Variants in TMEM135 observed in about 807,000 individuals in gnomAD.
The protein encoded by TMEM135 is transmembrane protein 135, also known as peroxisomal membrane protein 52.
A neutral mutation model predicts 60.3 loss-of-function variants in TMEM135; 30 were observed. The ratio of observed to expected loss-of-function variants is 0.50; its 90% CI spans 0.37 to 0.68. The LOEUF (loss-of-function observed/expected upper bound fraction) is 0.68. TMEM135 is among the 30% of genes least tolerant of loss of function. The pLI is 0.00. For missense variants in TMEM135, 468 were observed against 548.8 expected (o/e 0.85, Z 1.47); for synonymous variants, 190 against 186.7 (o/e 1.02, Z -0.14).
intron 4 of TMEM135, among the ~76,000 whole-genome samples, chr11:87,122,779 A>G (rs1051127540): frequency 6.6e-6 from 1 of 152,080 alleles, no homozygotes; most frequent in Non-Finnish European, 1.5e-5. Flanking sequence ...TAGTTTTTAA[A>G]TCTATCCGGC....
intron 4 of TMEM135, among the ~76,000 whole-genome samples, chr11:87,118,691 C>G (rs117783007): frequency 0.021 from 3,186 of 152,268 alleles, 37 homozygotes; most frequent in South Asian, 0.033. Flanking sequence ...ATCCGCCCAT[C>G]GTGACCTCCC....
chr11:87,038,225 T>C (rs1295369865), intron 1 of TMEM135, 39 bp downstream of exon 1: 10 of 1,598,836 alleles, frequency 6.3e-6, no homozygotes, highest in African/African-American at 1.4e-5. Context: ...GAGTTTAGTC[T>C]GGAAGATGGG....
intron 5 of TMEM135, among the ~76,000 whole-genome samples, chr11:87,185,599 G>A (rs1352675649): frequency 1.3e-5 from 2 of 152,022 alleles, no homozygotes; most frequent in Admixed American, 6.6e-5. Flanking sequence ...TTGTTTGTAT[G>A]TCTTGTTAGC....
intron 4 of TMEM135, among the ~76,000 whole-genome samples, chr11:87,114,050 A>G (rs966703349): frequency 1.3e-5 from 2 of 152,088 alleles, no homozygotes; most frequent in Non-Finnish European, 2.9e-5. Flanking sequence ...CTAGAATTCT[A>G]TGTCCAACCA....
chr11:87,053,569 C>G (rs911659222), intron 1 of TMEM135, among the ~76,000 whole-genome samples: 3 of 150,506 alleles, frequency 2.0e-5, no homozygotes, highest in Non-Finnish European at 3.0e-5. Context: ...TGAAGAAAGT[C>G]TTTTTAAAAT....
chr11:87,272,874 T>C lies in TMEM135; in HGVS notation c.510-22908T>C, dbSNP rs928806751. Among the ~76,000 whole-genome samples the C allele has an allele frequency of 2.0e-5, 3 of 152,328 alleles. No individual in the cohort carries two copies. The East Asian group carries it at 5.8e-4, about 29-fold the overall frequency. On this transcript the variant is annotated intron_variant, in intron 6 of 14. Transcript: ENST00000305494. ...ATTTTTACAGTATGTTATTTTGGTATGTAGAGCTCTCGGAAAGTTCTTTTT... is the reference window on the plus strand; with the variant it reads ...ATTTTTACAGTATGTTATTTTGGTACGTAGAGCTCTCGGAAAGTTCTTTTT...
chr11:87,232,420 A>G (rs1940908920), intron 5 of TMEM135, among the ~76,000 whole-genome samples: 1 of 152,144 alleles, frequency 6.6e-6, no homozygotes, highest in Non-Finnish European at 1.5e-5. Context: ...GTAAACCCAC[A>G]GATCCAAGTA....
chr11:87,216,687 T>A (rs1940509787), intron 5 of TMEM135, among the ~76,000 whole-genome samples: 1 of 152,118 alleles, frequency 6.6e-6, no homozygotes, highest in South Asian at 2.1e-4. Flanking sequence ...GTTGGCTGAG[T>A]TTTGGATATG....
At chr11:87,104,135 A>T (rs1857534381) in intron 4 of TMEM135, among the ~76,000 whole-genome samples, 1 of 152,142 alleles carries the variant, frequency 6.6e-6, no homozygotes, top group African/African-American at 2.4e-5. Context: ...GCCCAGTTTC[A>T]TTCTTTTGCA....
chr11:87,312,159 T>C (rs1181533980), intron 10 of TMEM135, among the ~76,000 whole-genome samples: 1 of 151,400 alleles, frequency 6.6e-6, no homozygotes, highest in East Asian at 1.9e-4. Flanking sequence ...ATTTGTTCCT[T>C]TTTTTCTTCC....
intron 5 of TMEM135, among the ~76,000 whole-genome samples, chr11:87,165,788 A>C (rs1336270592): frequency 2.0e-5 from 3 of 150,650 alleles, no homozygotes; most frequent in East Asian, 1.9e-4. Context: ...TTCAAAAAGT[A>C]AATGAATCCA....
chr11:87,215,730 A>G (rs1272714780), intron 5 of TMEM135, among the ~76,000 whole-genome samples: 5 of 152,144 alleles, frequency 3.3e-5, no homozygotes, highest in South Asian at 2.1e-4. Context: ...TGGCAAGGGA[A>G]GTATGCATAC....
chr11:87,151,701 C>CT (rs142871461), intron 4 of TMEM135, among the ~76,000 whole-genome samples: 12,820 of 148,338 alleles, frequency 0.086, 599 homozygotes, highest in Middle Eastern at 0.1. Flanking sequence ...TCTTGGGCTG[C>CT]TTTTTTTTTT....
intron 5 of TMEM135, among the ~76,000 whole-genome samples, chr11:87,189,253 C>T (rs541814243): frequency 2.0e-5 from 3 of 150,372 alleles, no homozygotes; most frequent in African/African-American, 4.9e-5. Flanking sequence ...CTCTGCTTCC[C>T]GGGTTCAAGC....
chr11:87,236,895 AC>A lies in TMEM135; in HGVS notation c.509+217del, dbSNP rs561966066. Among the ~76,000 whole-genome samples the A allele has an allele frequency of 2.6e-3, 389 of 151,102 alleles. 2 individuals are homozygous for A. Among genetic ancestry groups the A allele is most frequent in the African/African-American group, 7.8e-3 (322 of 41,194 alleles). On this transcript the variant is annotated intron_variant, in intron 6 of 14. Coordinates refer to ENST00000305494, the MANE Select transcript of TMEM135 (RefSeq NM_022918.4). The stretch of plus-strand genomic sequence containing the variant: ...GAGGGAAGGAAGACTTATTCTCCCC[AC>A]CCCCCATTCTATTTATAAGTTCATC...
intron 4 of TMEM135, among the ~76,000 whole-genome samples, chr11:87,109,694 A>G (rs1006920976): frequency 2.0e-5 from 3 of 152,304 alleles, no homozygotes; most frequent in Middle Eastern, 3.4e-3. Flanking sequence ...TGTCAGTTTT[A>G]TCTTAATAAA....
chr11:87,120,044 T>TG (rs1219898173), intron 4 of TMEM135, among the ~76,000 whole-genome samples: 1 of 151,820 alleles, frequency 6.6e-6, no homozygotes, highest in African/African-American at 2.4e-5. Context: ...ATATTTGAAA[T>TG]GGGGAACATT....
chr11:87,258,820 G>C (rs636320), intron 6 of TMEM135: 148,116 of 644,066 alleles, frequency 0.23, 18,462 homozygotes, highest in East Asian at 0.33. Flanking sequence ...CTTCTCCCAC[G>C]GAGACAGCTC....
intron 6 of TMEM135, among the ~76,000 whole-genome samples, chr11:87,261,218 C>T (rs1371512186): frequency 6.6e-6 from 1 of 152,148 alleles, no homozygotes; most frequent in African/African-American, 2.4e-5. Context: ...TATCAGGTCT[C>T]TTTCCCCTCC....
Sources: gnomAD v4.1 joint callset for allele counts (sites outside exome capture counted in the v4.1 genomes callset) on GRCh38, gnomAD v4.1.1 for gene constraint, MANE v1.5 for transcripts, NCBI Gene and HGNC (gene_info 2026-07-23, HGNC 2026-07-21) for gene names.